RBFOX1: variants seen among roughly 807,000 people sequenced by gnomAD.
RBFOX1 encodes the protein RNA binding fox-1 homolog 1, also known as RNA binding protein fox-1 homolog 1.
Under a neutral mutation model 57.7 loss-of-function variants are expected in RBFOX1, and 8 were observed. The observed-to-expected ratio is 0.14, with a 90% CI of 0.08 to 0.25. RBFOX1 has a LOEUF of 0.25. Among genes scored for constraint, RBFOX1 ranks in the 10% least tolerant of loss-of-function variants. The probability of loss-of-function intolerance (pLI) is 1.00; values close to 1 mark genes in which losing one functional copy is unlikely to be tolerated. For missense variants in RBFOX1, 611 were observed against 548.5 expected, an observed-to-expected ratio of 1.11 and a Z score of -1.14; for synonymous variants, 326 against 222.4, an observed-to-expected ratio of 1.47 and a Z score of -4.15.
At chr16:6,828,649 C>T (rs1404826764) in intron 3 of RBFOX1, among the ~76,000 whole-genome samples, 4 of 152,014 alleles carry the variant, frequency 2.6e-5, no homozygotes, top group Non-Finnish European at 5.9e-5. Flanking sequence ...TGAATTTGAC[C>T]TAGGATTCAC....
chr16:7,653,929 C>A lies in RBFOX1; in HGVS notation c.872C>A (p.Pro291Gln). The change falls in exon 12 of 16, where the codon CCG (proline) becomes CAG (glutamine). Residue 291 changes from proline to glutamine, a missense_variant. Coordinates refer to ENST00000550418, the MANE Select transcript of RBFOX1 (RefSeq NM_018723.4). The stretch of plus-strand genomic sequence containing the variant: ...TTCAGGGCCGCGGCGCCCCCGCCCC[C>A]GATCCCGGCCTACGGCGGGTAAGTG... Reference protein sequence around the residue: ...NTFRAAAPPPPIPAYGGVVYQ... With the variant: ...NTFRAAAPPPQIPAYGGVVYQ... 6.4e-7 allele frequency: 1 copy of A among 1,550,766 alleles called. No homozygotes were observed. The highest frequency in any genetic ancestry group is 8.7e-7 in the Non-Finnish European group (1 of 1,155,678).
chr16:6,980,213 T>C (rs572412355), intron 3 of RBFOX1, among the ~76,000 whole-genome samples: 5 of 152,324 alleles, frequency 3.3e-5, no homozygotes, highest in African/African-American at 7.2e-5. Context: ...CTAGCTGATA[T>C]AACTTGAAAA....
intron 4 of RBFOX1, among the ~76,000 whole-genome samples, chr16:5,982,791 A>G (rs2060199667): frequency 6.6e-6 from 1 of 152,036 alleles, no homozygotes; most frequent in Non-Finnish European, 1.5e-5. Context: ...GTTACTTCCC[A>G]TTTCTCTCTA....
chr16:5,773,616 C>T (rs1481477134), intron 3 of RBFOX1, among the ~76,000 whole-genome samples: 2 of 152,188 alleles, frequency 1.3e-5, no homozygotes, highest in African/African-American at 2.4e-5. Context: ...TTTGCAATAT[C>T]TATTTTTATG....
At chr16:5,711,870 C>G (rs889258584) in intron 3 of RBFOX1, among the ~76,000 whole-genome samples, 17 of 152,176 alleles carry the variant, frequency 1.1e-4, no homozygotes, top group Admixed American at 2.6e-4. Flanking sequence ...GTAACAGCCT[C>G]TATTTATTGA....
chr16:7,655,932 A>T (rs1054332976), intron 12 of RBFOX1, among the ~76,000 whole-genome samples: 3 of 152,244 alleles, frequency 2.0e-5, no homozygotes, highest in Non-Finnish European at 4.4e-5. Context: ...GCTGGGAATA[A>T]CCATGCATAA....
At chr16:7,146,607 G>C (rs866152774) in intron 4 of RBFOX1, among the ~76,000 whole-genome samples, 9 of 152,182 alleles carry the variant, frequency 5.9e-5, no homozygotes, top group Middle Eastern at 3.4e-3. Flanking sequence ...ATGATACCCA[G>C]CATATTCTTC....
chr16:7,067,383 C>T (rs1183543986), intron 4 of RBFOX1, among the ~76,000 whole-genome samples: 1 of 151,410 alleles, frequency 6.6e-6, no homozygotes, highest in Non-Finnish European at 1.5e-5. Context: ...ACAAGAATCT[C>T]ACTGAAGTAA....
In RBFOX1 at chr16:7,532,984, A is replaced by C. The variant is rs1276403641; in HGVS notation, c.270+14595A>C. The stretch of plus-strand genomic sequence containing the variant: ...ATTAATTGCCTGCATTGTAAAATGG[A>C]AGTTTTCACAAAATAAGCTGGCTTT... On this transcript the variant is annotated intron_variant, in intron 5 of 15. Coordinates refer to ENST00000550418, the MANE Select transcript of RBFOX1 (RefSeq NM_018723.4). Among the ~76,000 whole-genome samples the C allele has an allele frequency of 3.3e-5, 5 of 152,224 alleles. No individual in the cohort carries two copies. In the East Asian group the frequency reaches 9.6e-4, roughly 29 times the overall value.
chr16:7,599,651 C>CTT (rs869042112), intron 9 of RBFOX1, among the ~76,000 whole-genome samples: 1 of 67,200 alleles, frequency 1.5e-5, no homozygotes. Flanking sequence ...TTTTTTTTTT[C>CTT]TTTTTTTTTT....
chr16:6,476,005 C>T (rs879519088), intron 2 of RBFOX1, among the ~76,000 whole-genome samples: 1 of 152,128 alleles, frequency 6.6e-6, no homozygotes, highest in Admixed American at 6.5e-5. Flanking sequence ...TGGGCATAAA[C>T]CAAACCTTGA....
intron 4 of RBFOX1, among the ~76,000 whole-genome samples, chr16:7,206,477 A>G (rs1422571100): frequency 6.7e-6 from 1 of 149,186 alleles, no homozygotes; most frequent in Non-Finnish European, 1.5e-5. Flanking sequence ...GCGTGTGTGC[A>G]TATATATATG....
At chr16:5,387,773 C>G (rs1463693556) in intron 1 of RBFOX1, among the ~76,000 whole-genome samples, 1 of 152,154 alleles carries the variant, frequency 6.6e-6, no homozygotes, top group African/African-American at 2.4e-5. Flanking sequence ...GGCAAAGGGG[C>G]ATCAATGTTG....
chr16:5,671,430 A>C (rs8064152), intron 3 of RBFOX1, among the ~76,000 whole-genome samples: 13,732 of 152,214 alleles, frequency 0.09, 868 homozygotes, highest in Non-Finnish European at 0.14. Flanking sequence ...TGTGCTGGAG[A>C]TTAACACTGA....
At chr16:5,713,743 C>T (rs551755606) in intron 3 of RBFOX1, among the ~76,000 whole-genome samples, 2 of 152,186 alleles carry the variant, frequency 1.3e-5, no homozygotes, top group Admixed American at 6.5e-5. Flanking sequence ...CACAGAGAGA[C>T]TCATGCAAAC....
At chr16:7,077,749 A>T (rs1188657538) in intron 4 of RBFOX1, among the ~76,000 whole-genome samples, 1 of 152,220 alleles carries the variant, frequency 6.6e-6, no homozygotes, top group Non-Finnish European at 1.5e-5. Flanking sequence ...AGTCGTATTA[A>T]ACTTGTCCTG....
chr16:6,894,967 C>A (rs894842656), intron 3 of RBFOX1, among the ~76,000 whole-genome samples: 59 of 152,256 alleles, frequency 3.9e-4, no homozygotes, highest in African/African-American at 1.3e-3. Context: ...AACATACACC[C>A]TTCCAGAACT....
intron 1 of RBFOX1, among the ~76,000 whole-genome samples, chr16:6,044,528 C>G (rs901443377): frequency 2.6e-5 from 4 of 151,648 alleles, no homozygotes; most frequent in Non-Finnish European, 4.4e-5. Flanking sequence ...CACAGGTGAG[C>G]TAATGAGCTA....
intron 2 of RBFOX1, among the ~76,000 whole-genome samples, chr16:6,335,964 A>T (rs1465706403): frequency 6.7e-6 from 1 of 150,216 alleles, no homozygotes; most frequent in South Asian, 2.1e-4. Context: ...GAGACGCAGC[A>T]TGATGGGAGA....
Sources: allele counts gnomAD v4.1 joint callset (sites outside exome capture counted in the v4.1 genomes callset), GRCh38; gene constraint gnomAD v4.1.1; transcripts MANE v1.5; gene names NCBI Gene and HGNC (gene_info 2026-07-23, HGNC 2026-07-21).